The following IL27RA variants were observed in gnomAD, a reference collection of about 807,000 sequenced individuals.
IL27RA encodes interleukin-27 receptor subunit alpha.
In IL27RA, 61 loss-of-function variants were observed where a neutral mutation model predicts 80.8. The ratio of observed to expected loss-of-function variants is 0.76; its 90% confidence interval spans 0.61 to 0.93. The LOEUF (loss-of-function observed/expected upper bound fraction) is 0.93, where lower values mean the gene tolerates loss of function less well. Ranked by LOEUF, IL27RA falls within the 40% of genes least tolerant of loss-of-function variation. The pLI, the probability that IL27RA is intolerant of heterozygous loss-of-function variation, is 0.00. For synonymous variants in IL27RA, 316 were observed against 332.5 expected, an observed-to-expected ratio of 0.95 and a Z score of 0.54; for missense variants, 735 against 808.1, an observed-to-expected ratio of 0.91 and a Z score of 1.10.
At chr19:14,032,348 C>A in intron 1 of IL27RA, 38 bp from the exon 2 acceptor site, 1 of 1,471,988 alleles carries the variant, frequency 6.8e-7, no homozygotes, top group Non-Finnish European at 9.4e-7. Context: ...GGGGGGGATT[C>A]GACCCCCTTT....
chr19:14,051,822 C>A, intron 12 of IL27RA, 58 bp from the exon 13 acceptor site: 1 of 1,470,594 alleles, frequency 6.8e-7, no homozygotes, highest in East Asian at 2.4e-5. Flanking sequence ...ACCCTGCACC[C>A]TGGGCTGGGG....
chr19:14,032,448 G>A lies in IL27RA; in HGVS notation c.163G>A (p.Glu55Lys). 6.2e-7 allele frequency: 1 copy of A among 1,613,740 alleles called. No homozygotes were observed. The highest frequency in any genetic ancestry group is 1.3e-5 in the African/African-American group (1 of 74,920). Residue 55 changes from glutamate (E) to lysine (K), a missense_variant, in exon 2 of 14, where the codon GAG (glutamate) becomes AAG (lysine). Transcript: ENST00000263379. ...GPLGDLNCSW[E>K]PLGDLGAPSE... is the part of the protein sequence containing the mutation. The stretch of plus-strand genomic sequence containing the variant: ...CTTGGGCGACTTGAACTGCTCGTGG[G>A]AGCCTCTTGGGGACCTGGGAGCCCC...
intron 2 of IL27RA, 92 bp from the exon 3 acceptor site, chr19:14,039,416 C>T: frequency 7.0e-7 from 1 of 1,427,694 alleles, no homozygotes; most frequent in Non-Finnish European, 9.5e-7. Flanking sequence ...CCAAGCAGAG[C>T]AGGCTGCAGC....
At chr19:14,045,348 G>A (rs1302703047) in intron 6 of IL27RA, among the ~76,000 whole-genome samples, 1 of 151,198 alleles carries the variant, frequency 6.6e-6, no homozygotes, top group African/African-American at 2.4e-5. Context: ...CCAGCACTTT[G>A]GGAGGCCGAG....
chr19:14,032,284 GC>G (rs113266285), intron 1 of IL27RA, 101 bp from the exon 2 acceptor site: 15 of 910,550 alleles, frequency 1.6e-5, no homozygotes, highest in Non-Finnish European at 2.2e-5. Context: ...ATTTCCCTAA[GC>G]CCCCCCACCT....
At position 14,031,779 on chromosome 19, in the gene IL27RA, C is replaced by T; in HGVS notation, c.-94C>T. 1 of 1,060,810 alleles carries T rather than the reference C, an allele frequency of 9.4e-7. No individual in the cohort carries two copies. Among genetic ancestry groups the T allele is most frequent in the Non-Finnish European group, 1.3e-6 (1 of 752,352 alleles). 65.7% of individuals were successfully genotyped at this position (1,060,810 alleles called of 1,614,324 possible). A position where few individuals can be genotyped will look rare whatever the true frequency, so the allele number is the denominator to read the frequency against. On this transcript the variant is annotated 5_prime_UTR_variant, in exon 1 of 14. Transcript: ENST00000263379. ...CCGGGGTGGTTCGGCTTCCCGTTGC[C>T]GCCTCGGGCGCTGTACCCAGAGCTC... is the stretch of plus-strand genomic sequence containing the variant.
In IL27RA at chr19:14,042,799, A is replaced by G; in HGVS notation, c.768+10A>G. The G allele has an allele frequency of 6.2e-7, 1 of 1,612,206 alleles. No individual in the cohort carries two copies. On this transcript the variant is annotated intron_variant, in intron 6 of 13. Coordinates refer to ENST00000263379, the MANE Select transcript of IL27RA (RefSeq NM_004843.4). ...TTTGCTTCTATGGAAGGTGAGCTTC[A>G]GGCACCAGTTACATTTCTCTGCACG... is the stretch of plus-strand genomic sequence containing the variant.
rs138673803 is a variant in IL27RA at position 14,052,689 on chromosome 19, G to A, written c.*399G>A. The A allele has an allele frequency of 2.8e-3, 469 of 166,882 alleles. 2 individuals are homozygous for A. Among genetic ancestry groups the A allele is most frequent in the African/African-American group, 0.01 (431 of 42,076 alleles). The allele number at this position is 166,882 out of a possible 1,614,324, so 10.3% of individuals were successfully genotyped here. ...GAGACCAGCCTGGGCAATATAGCAA[G>A]ACCCCTCACTACAAAAATAAAACAT... On this transcript the variant is annotated 3_prime_UTR_variant, in exon 14 of 14. Transcript: ENST00000263379.
At chr19:14,043,759 A>G (rs1976023876) in intron 6 of IL27RA, among the ~76,000 whole-genome samples, 1 of 151,664 alleles carries the variant, frequency 6.6e-6, no homozygotes, top group African/African-American at 2.4e-5. Context: ...TCAAAAGGGT[A>G]TTAATAGGCT....
chr19:14,036,101 A>G (rs1359409967), intron 2 of IL27RA, among the ~76,000 whole-genome samples: 1 of 151,658 alleles, frequency 6.6e-6, no homozygotes, highest in Non-Finnish European at 1.5e-5. Flanking sequence ...AGAAAGAAGA[A>G]GAAGAAGAAG....
chr19:14,032,681 C>CT (rs1975837706), intron 2 of IL27RA, among the ~76,000 whole-genome samples, 178 bp downstream of exon 2: 1 of 149,624 alleles, frequency 6.7e-6, no homozygotes, highest in African/African-American at 2.5e-5. Context: ...TGGCGCGCGC[C>CT]TGTAGTCCCT....
At chr19:14,034,152 T>A (rs1231526996) in intron 2 of IL27RA, among the ~76,000 whole-genome samples, 1 of 152,082 alleles carries the variant, frequency 6.6e-6, no homozygotes, top group Non-Finnish European at 1.5e-5. Flanking sequence ...AAAAGATTAT[T>A]CAGTGTGGTG....
intron 11 of IL27RA, among the ~76,000 whole-genome samples, chr19:14,051,118 C>T (rs980662355): frequency 6.6e-6 from 1 of 152,038 alleles, no homozygotes; most frequent in Non-Finnish European, 1.5e-5. Context: ...GATGTGGTAG[C>T]ATGCGCCTGC....
At chr19:14,037,129 G>C (rs915226712) in intron 2 of IL27RA, among the ~76,000 whole-genome samples, 1 of 152,008 alleles carries the variant, frequency 6.6e-6, no homozygotes, top group Non-Finnish European at 1.5e-5. Context: ...CACCGTGCCC[G>C]GCCCCACATA....
intron 10 of IL27RA, among the ~76,000 whole-genome samples, chr19:14,050,368 G>A (rs919389569): frequency 3.3e-5 from 5 of 151,968 alleles, no homozygotes; most frequent in African/African-American, 1.2e-4. Context: ...CAGATGTGGT[G>A]GCGGGCACCT....
At position 14,049,094 on chromosome 19, in the gene IL27RA, G is replaced by A; in HGVS notation, c.1243+12G>A. ...CAGGGAGGAATTAGGTAAGAGTGGG[G>A]CTGGAGGATGGGGGGGCTTCTGTAA... is the stretch of plus-strand genomic sequence containing the variant. On this transcript the variant is annotated intron_variant, in intron 9 of 13. Transcript: ENST00000263379. 1 of 1,613,000 alleles carries A rather than the reference G, an allele frequency of 6.2e-7. No homozygotes were observed. Among genetic ancestry groups the A allele is most frequent in the South Asian group, 1.1e-5 (1 of 90,972 alleles).
At chr19:14,037,265 CTT>C (rs59108452) in intron 2 of IL27RA, among the ~76,000 whole-genome samples, 3 of 144,880 alleles carry the variant, frequency 2.1e-5, no homozygotes, top group Admixed American at 6.9e-5. Flanking sequence ...TTTATTTTTA[CTT>C]TTTTTTTTTT....
At chr19:14,047,074 C>A (rs1391133121) in intron 8 of IL27RA, among the ~76,000 whole-genome samples, 1 of 151,802 alleles carries the variant, frequency 6.6e-6, no homozygotes, top group African/African-American at 2.4e-5. Flanking sequence ...GGCAAGATCC[C>A]ACTCTGTGGC....
In IL27RA at chr19:14,040,015, A is replaced by C. The variant is rs1975967402; in HGVS notation, c.534+105A>C. The stretch of plus-strand genomic sequence containing the variant: ...AGGACTCATTCTGTGCCTGCCCCTG[A>C]GCCTGTATGCCTCCCACTCAAAATG... On this transcript the variant is annotated intron_variant, in intron 4 of 13. Coordinates refer to ENST00000263379, the MANE Select transcript of IL27RA (RefSeq NM_004843.4). 8.0e-6 allele frequency: 9 copies of C among 1,131,554 alleles called. 1 individual carries two copies. The South Asian group carries it at 1.3e-4, about 17-fold the overall frequency. 70.1% of individuals were successfully genotyped at this position (1,131,554 alleles called of 1,614,324 possible). A position where few individuals can be genotyped will look rare whatever the true frequency, so the allele number is the denominator to read the frequency against.
Sources: allele counts gnomAD v4.1 joint callset (sites outside exome capture counted in the v4.1 genomes callset), GRCh38; gene constraint gnomAD v4.1.1; transcripts MANE v1.5; gene names NCBI Gene and HGNC (gene_info 2026-07-23, HGNC 2026-07-21).